The following CLASP1 variants were observed in gnomAD, a reference collection of about 807,000 sequenced individuals.
The protein encoded by CLASP1 is cytoplasmic linker associated protein 1.
In CLASP1, 38 loss-of-function variants were observed where a neutral mutation model predicts 192.3. The observed-to-expected ratio is 0.20, with a 90% CI of 0.15 to 0.26. CLASP1 has a LOEUF of 0.26. Ranked by LOEUF, CLASP1 falls within the 10% of genes least tolerant of loss-of-function variation. The probability of loss-of-function intolerance (pLI) is 1.00; values close to 1 mark genes in which losing one functional copy is unlikely to be tolerated. For missense variants in CLASP1, 1,433 were observed against 1,932.5 expected (o/e 0.74, Z 4.85); for synonymous variants, 691 against 712.8 (o/e 0.97, Z 0.49).
At chr2:121,617,707 T>C (rs946111665) in intron 1 of CLASP1, among the ~76,000 whole-genome samples, 2 of 152,238 alleles carry the variant, frequency 1.3e-5, no homozygotes, top group African/African-American at 4.8e-5. Flanking sequence ...GCTACTTCTC[T>C]GGTTGCATCT....
chr2:121,447,555 G>C, intron 18 of CLASP1, 48 bp from the exon 19 acceptor site: 1 of 1,410,868 alleles, frequency 7.1e-7, no homozygotes, highest in Non-Finnish European at 9.6e-7. Flanking sequence ...ATAGAATTTT[G>C]AAAATACATT....
intron 32 of CLASP1, among the ~76,000 whole-genome samples, chr2:121,384,005 TATACAC>T (rs1319481395): frequency 8.0e-5 from 11 of 137,898 alleles, no homozygotes; most frequent in Admixed American, 3.8e-4. Flanking sequence ...TATATATATA[TATACAC>T]ACACACACAC....
At chr2:121,452,359 T>C (rs1368937387) in intron 14 of CLASP1, among the ~76,000 whole-genome samples, 1 of 152,178 alleles carries the variant, frequency 6.6e-6, no homozygotes, top group Non-Finnish European at 1.5e-5. Context: ...CTACTTTGCT[T>C]TCCTCCAACC....
chr2:121,614,082 G>A (rs1341579082), intron 1 of CLASP1, among the ~76,000 whole-genome samples: 3 of 152,208 alleles, frequency 2.0e-5, no homozygotes, highest in Admixed American at 6.5e-5. Flanking sequence ...AGTGGCTGGA[G>A]CACTCCAAGA....
At chr2:121,630,791 C>A (rs2106220691) in intron 1 of CLASP1, among the ~76,000 whole-genome samples, 1 of 148,164 alleles carries the variant, frequency 6.7e-6, no homozygotes, top group South Asian at 2.1e-4. Context: ...TTGAACCCAG[C>A]AGAGGTTGCA....
intron 2 of CLASP1, among the ~76,000 whole-genome samples, chr2:121,575,186 A>ACTGCAACCTCCGCCTCC (rs2060387836): frequency 6.6e-6 from 1 of 151,664 alleles, no homozygotes. Context: ...ATCTCGGCTC[A>ACTGCAACCTCCGCCTCC]CTGCAACCTC....
At chr2:121,591,996 G>T (rs1438984085) in intron 2 of CLASP1, among the ~76,000 whole-genome samples, 1 of 152,128 alleles carries the variant, frequency 6.6e-6, no homozygotes, top group Non-Finnish European at 1.5e-5. Flanking sequence ...TTCTTACCAT[G>T]GTCCTTGTCA....
intron 7 of CLASP1, among the ~76,000 whole-genome samples, chr2:121,514,616 A>G (rs1403287878): frequency 6.6e-6 from 1 of 152,218 alleles, no homozygotes; most frequent in Admixed American, 6.5e-5. Context: ...TGGTGAGAGC[A>G]ATTCCAGATC....
At chr2:121,501,141 G>C (rs1473660481) in intron 8 of CLASP1, among the ~76,000 whole-genome samples, 1 of 152,182 alleles carries the variant, frequency 6.6e-6, no homozygotes, top group Admixed American at 6.5e-5. Flanking sequence ...ACTATAATGA[G>C]ATTCTGTTTC....
exon 34 of CLASP1, chr2:121,377,550 T>C (rs375752731): frequency 2.9e-5 from 46 of 1,602,068 alleles, no homozygotes; most frequent in Non-Finnish European, 3.7e-5. Context: ...TCAGATCTTC[T>C]TGGCTTCGAA....
chr2:121,468,263 A>G (rs988210934), intron 9 of CLASP1, among the ~76,000 whole-genome samples: 1 of 152,214 alleles, frequency 6.6e-6, no homozygotes, highest in African/African-American at 2.4e-5. Context: ...TGCCTTGGCT[A>G]TATGAGCTCT....
chr2:121,484,359 CATA>C (rs968386701), intron 8 of CLASP1, among the ~76,000 whole-genome samples: 1 of 152,190 alleles, frequency 6.6e-6, no homozygotes, highest in African/African-American at 2.4e-5. Flanking sequence ...CAACTGCCCA[CATA>C]ATAATCACAT....
chr2:121,478,914 CCACACA>C (rs570749808), intron 8 of CLASP1, among the ~76,000 whole-genome samples: 1 of 63,350 alleles, frequency 1.6e-5, no homozygotes, highest in African/African-American at 6.8e-5. Context: ...ACCACACACA[CCACACA>C]CACACCACAC....
chr2:121,495,058 C>T (rs1223446608), intron 8 of CLASP1, among the ~76,000 whole-genome samples: 5 of 151,526 alleles, frequency 3.3e-5, no homozygotes, highest in African/African-American at 1.2e-4. Flanking sequence ...CACGGAGGCT[C>T]ACGTCTGTAA....
At chr2:121,522,430 CA>C (rs2094478819) in intron 6 of CLASP1, among the ~76,000 whole-genome samples, 1 of 152,150 alleles carries the variant, frequency 6.6e-6, no homozygotes, top group Non-Finnish European at 1.5e-5. Flanking sequence ...CTTCCTGGCA[CA>C]AAAAGTATAA....
At chr2:121,463,798 C>T (rs578126801) in intron 9 of CLASP1, among the ~76,000 whole-genome samples, 6 of 152,078 alleles carry the variant, frequency 3.9e-5, no homozygotes, top group Non-Finnish European at 5.9e-5. Flanking sequence ...GGGGTATGGA[C>T]GCGAGATGGG....
intron 39 of CLASP1, among the ~76,000 whole-genome samples, chr2:121,341,834 C>T (rs947948843): frequency 6.6e-6 from 1 of 152,140 alleles, no homozygotes; most frequent in Non-Finnish European, 1.5e-5. Flanking sequence ...TCAAGGGACA[C>T]ATTAAGTTTC....
At chr2:121,648,970 G>A (rs2073706201) in intron 1 of CLASP1, among the ~76,000 whole-genome samples, 1 of 152,164 alleles carries the variant, frequency 6.6e-6, no homozygotes, top group Non-Finnish European at 1.5e-5. Context: ...GTTGTTGTGG[G>A]TTTCTCTCCC....
chr2:121,449,174 T>C (rs2084930090), intron 16 of CLASP1, 54 bp from the exon 17 acceptor site: 1 of 1,525,588 alleles, frequency 6.6e-7, no homozygotes, highest in Non-Finnish European at 9.0e-7. Flanking sequence ...ACAGGTCTTT[T>C]GCTGAACTCT....
Sources: gnomAD v4.1 joint callset for allele counts (sites outside exome capture counted in the v4.1 genomes callset) on GRCh38, gnomAD v4.1.1 for gene constraint, MANE v1.5 for transcripts, NCBI Gene and HGNC (gene_info 2026-07-23, HGNC 2026-07-21) for gene names.